The following ARHGAP21 variants were observed in gnomAD, a reference collection of about 807,000 sequenced individuals.
The protein encoded by ARHGAP21 is rho GTPase-activating protein 21.
A neutral mutation model predicts 164.6 loss-of-function variants in ARHGAP21; 38 were observed. The observed-to-expected ratio is 0.23, with a 90% CI of 0.18 to 0.30. The LOEUF is 0.30. Among genes scored for constraint, ARHGAP21 ranks in the 10% least tolerant of loss-of-function variants. The probability of loss-of-function intolerance (pLI) is 1.00; values close to 1 mark genes in which losing one functional copy is unlikely to be tolerated. For missense variants in ARHGAP21, 1,822 were observed against 2,370.7 expected (o/e 0.77, Z 4.81); for synonymous variants, 766 against 857.9 (o/e 0.89, Z 1.87).
chr10:24,654,065 A>G (rs1838520608), intron 4 of ARHGAP21, among the ~76,000 whole-genome samples: 1 of 152,236 alleles, frequency 6.6e-6, no homozygotes, highest in Admixed American at 6.5e-5. Flanking sequence ...GGCCTTCGAC[A>G]AGATTCAACA....
intron 4 of ARHGAP21, among the ~76,000 whole-genome samples, chr10:24,648,220 G>T (rs908664594): frequency 6.6e-6 from 1 of 152,088 alleles, no homozygotes; most frequent in Non-Finnish European, 1.5e-5. Context: ...CACCTCCCTC[G>T]AACAGGTACG....
At chr10:24,589,243 A>T in intron 25 of ARHGAP21, 28 bp downstream of exon 25, 1 of 1,584,684 alleles carries the variant, frequency 6.3e-7, no homozygotes, top group African/African-American at 1.3e-5. Context: ...CCCCCCTAAA[A>T]TATTTCAAAT....
At chr10:24,625,050 T>TC (rs1554975500) in intron 7 of ARHGAP21, among the ~76,000 whole-genome samples, 1 of 778 alleles carries the variant, frequency 1.3e-3, no homozygotes, top group Non-Finnish European at 3.5e-3. Context: ...CTCTAAAAAG[T>TC]GGGGGGGGGG....
At chr10:24,708,235 T>G (rs1303183081) in intron 2 of ARHGAP21, among the ~76,000 whole-genome samples, 5 of 152,150 alleles carry the variant, frequency 3.3e-5, no homozygotes, top group Non-Finnish European at 5.9e-5. Flanking sequence ...TGTCCGTCCC[T>G]TAATTGGTGG....
At chr10:24,626,753 A>G (rs1053267050) in intron 7 of ARHGAP21, among the ~76,000 whole-genome samples, 3 of 152,338 alleles carry the variant, frequency 2.0e-5, no homozygotes, top group Admixed American at 2.0e-4. Context: ...GAAATACAAT[A>G]AAAAACCTTT....
chr10:24,656,208 G>T (rs1315471916), intron 4 of ARHGAP21, among the ~76,000 whole-genome samples: 1 of 138,638 alleles, frequency 7.2e-6, no homozygotes. Flanking sequence ...ATCCGGGAGG[G>T]AGGTGGGGGG....
chr10:24,633,052 G>T (rs1186021506), intron 6 of ARHGAP21, among the ~76,000 whole-genome samples: 1 of 152,118 alleles, frequency 6.6e-6, no homozygotes, highest in Admixed American at 6.6e-5. Flanking sequence ...ACATACCCCT[G>T]TAAGAGGTTT....
At position 24,628,916 on chromosome 10, in the gene ARHGAP21, C is replaced by T. The variant is rs202239061; in HGVS notation, c.495+1080G>A. Reference sequence around the variant, plus strand: ...ATACATACATATATACACATATATACACATATATATACATACATATATATA... The same window carrying T: ...ATACATACATATATACACATATATATACATATATATACATACATATATATA... On this transcript the variant is annotated intron_variant, in intron 7 of 25. Coordinates refer to ENST00000396432, the MANE Select transcript of ARHGAP21 (RefSeq NM_020824.4). The T allele has an allele frequency of 8.3e-4, 83 of 99,594 alleles. 1 individual carries two copies. In the South Asian group the frequency reaches 8.9e-3, roughly 11 times the overall value. 6.2% of individuals were successfully genotyped at this position (99,594 alleles called of 1,614,324 possible). A position where few individuals can be genotyped will look rare whatever the true frequency, so the allele number is the denominator to read the frequency against.
At chr10:24,707,931 T>A (rs972913349) in intron 2 of ARHGAP21, among the ~76,000 whole-genome samples, 1 of 152,300 alleles carries the variant, frequency 6.6e-6, no homozygotes, top group Non-Finnish European at 1.5e-5. Flanking sequence ...AAGCTAATCA[T>A]ATGACTACTC....
chr10:24,661,916 T>C (rs1367303798), intron 4 of ARHGAP21, among the ~76,000 whole-genome samples: 2 of 152,202 alleles, frequency 1.3e-5, no homozygotes, highest in Admixed American at 6.5e-5. Context: ...ATGACTATCA[T>C]ACTTAGGGCT....
intron 9 of ARHGAP21, among the ~76,000 whole-genome samples, chr10:24,610,633 A>T (rs2077217650): frequency 6.6e-6 from 1 of 152,224 alleles, no homozygotes; most frequent in African/African-American, 2.4e-5. Context: ...AATGGAGAGT[A>T]TTTCAAATTA....
chr10:24,690,553 G>A (rs1225809688), intron 2 of ARHGAP21, among the ~76,000 whole-genome samples: 4 of 152,086 alleles, frequency 2.6e-5, no homozygotes, highest in Non-Finnish European at 5.9e-5. Context: ...AACAGGATGG[G>A]CGTGGTGGCT....
intron 2 of ARHGAP21, among the ~76,000 whole-genome samples, chr10:24,702,006 T>G (rs1021251151): frequency 2.6e-5 from 4 of 152,122 alleles, no homozygotes; most frequent in African/African-American, 9.7e-5. Flanking sequence ...GAAACCTTAA[T>G]GCACAACTTC....
chr10:24,633,333 G>T, intron 6 of ARHGAP21, 69 bp downstream of exon 6: 1 of 1,091,216 alleles, frequency 9.2e-7, no homozygotes. Flanking sequence ...ATAGAAGATT[G>T]TATTAAATCT....
intron 14 of ARHGAP21, among the ~76,000 whole-genome samples, chr10:24,598,255 C>T (rs569272556): frequency 6.6e-6 from 1 of 152,230 alleles, no homozygotes; most frequent in South Asian, 2.1e-4. Context: ...ATAGTACCAG[C>T]AAGTAACATG....
chr10:24,673,051 GAATA>G (rs1350527716), intron 2 of ARHGAP21, among the ~76,000 whole-genome samples: 4 of 152,080 alleles, frequency 2.6e-5, no homozygotes, highest in South Asian at 2.1e-4. Flanking sequence ...AGATATTAAA[GAATA>G]AATAGAGAGA....
chr10:24,718,324 G>A (rs930709433), intron 2 of ARHGAP21, among the ~76,000 whole-genome samples: 9 of 152,136 alleles, frequency 5.9e-5, no homozygotes, highest in Non-Finnish European at 1.3e-4. Flanking sequence ...AAAAGTGTTC[G>A]GTAAATAGGC....
Position 24,600,743 on chromosome 10 carries a change from G to T in ARHGAP21, c.3035C>A (p.Thr1012Asn). The stretch of plus-strand genomic sequence containing the variant: ...AAACAGGCATTCACAGTCGGACGTG[G>T]TGAGTCGAAACACATTTTTCCTCTT... ...ETKRKNVFRL[T>N]TSDCECLFQA... Residue 1012 changes from threonine to asparagine, a missense_variant, in exon 14 of 26, where the codon ACC becomes AAC. This residue lies in a region of ARHGAP21 where 1,090 missense variants were observed against 1,378.9 expected (regional missense o/e 0.79). Coordinates refer to ENST00000396432, the MANE Select transcript of ARHGAP21 (RefSeq NM_020824.4). 2 of 1,613,932 alleles carry T rather than the reference G, an allele frequency of 1.2e-6. No individual in the cohort carries two copies. The highest frequency in any genetic ancestry group is 1.7e-6 in the Non-Finnish European group (2 of 1,179,864).
rs2075985443 is a variant in ARHGAP21, at chr10:24,583,651, G to A, written c.*761C>T. 2 of 152,550 alleles carry A rather than the reference G, an allele frequency of 1.3e-5. No homozygotes were observed. Among genetic ancestry groups the A allele is most frequent in the Non-Finnish European group, 2.9e-5 (2 of 68,020 alleles). 9.4% of individuals were successfully genotyped at this position (152,550 alleles called of 1,614,324 possible). ...ATTTTTATTTCCAGTGTTTAATTGG[G>A]TATGCACACAGGCATGACACAGGTT... On this transcript the variant is annotated 3_prime_UTR_variant, in exon 26 of 26. Transcript: ENST00000396432.
Sources: allele counts gnomAD v4.1 joint callset (sites outside exome capture counted in the v4.1 genomes callset), GRCh38; gene constraint gnomAD v4.1.1; regional missense constraint gnomAD v4.1.1; transcripts MANE v1.5; gene names NCBI Gene and HGNC (gene_info 2026-07-23, HGNC 2026-07-21).